Variants in TEAD1 observed in about 807,000 individuals in gnomAD.
The protein encoded by TEAD1 is transcriptional enhancer factor TEF-1.
TEAD1 carries 9 observed loss-of-function variants against 54.9 expected under a neutral mutation model. That is an observed-to-expected ratio of 0.16 (90% confidence interval 0.10 to 0.29). TEAD1 has a LOEUF of 0.29. Among genes scored for constraint, TEAD1 ranks in the 10% least tolerant of loss-of-function variants. The probability of loss-of-function intolerance (pLI) is 1.00; values close to 1 mark genes in which losing one functional copy is unlikely to be tolerated. For missense variants in TEAD1, 387 were observed against 535.9 expected, an observed-to-expected ratio of 0.72 and a Z score of 2.74; for synonymous variants, 200 against 187.8, an observed-to-expected ratio of 1.07 and a Z score of -0.53.
At chr11:12,720,527 G>A (rs1349023447) in intron 2 of TEAD1, among the ~76,000 whole-genome samples, 1 of 152,144 alleles carries the variant, frequency 6.6e-6, no homozygotes, top group Non-Finnish European at 1.5e-5. Context: ...AACTCTATGA[G>A]GTGAGCATTA....
chr11:12,785,478 C>A (rs7934409), intron 3 of TEAD1, among the ~76,000 whole-genome samples: 146,049 of 152,266 alleles, frequency 0.96, 70,353 homozygotes, highest in East Asian at 1. Context: ...GTTCAGACTA[C>A]GACACTTCAG....
intron 3 of TEAD1, among the ~76,000 whole-genome samples, chr11:12,861,186 A>G (rs778948313): frequency 3.3e-5 from 5 of 152,218 alleles, no homozygotes; most frequent in African/African-American, 1.2e-4. Flanking sequence ...CATGTCTTGT[A>G]TGAGTGGTTT....
At chr11:12,749,103 C>T (rs765170067) in intron 2 of TEAD1, among the ~76,000 whole-genome samples, 3 of 152,114 alleles carry the variant, frequency 2.0e-5, no homozygotes, top group Non-Finnish European at 4.4e-5. Flanking sequence ...GGTGTCAGGG[C>T]CCACTGTGCC....
chr11:12,907,946 T>C (rs1948548717), intron 10 of TEAD1, among the ~76,000 whole-genome samples: 1 of 152,228 alleles, frequency 6.6e-6, no homozygotes, highest in Non-Finnish European at 1.5e-5. Context: ...TGCTGAAGGA[T>C]AGCAGCCTTG....
intron 3 of TEAD1, among the ~76,000 whole-genome samples, chr11:12,834,825 C>T (rs1393888166): frequency 6.6e-6 from 1 of 151,586 alleles, no homozygotes; most frequent in African/African-American, 2.4e-5. Context: ...CTGTGTTGCC[C>T]AGGCTGGTCT....
At chr11:12,814,486 G>A (rs980079832) in intron 3 of TEAD1, among the ~76,000 whole-genome samples, 46 of 152,266 alleles carry the variant, frequency 3.0e-4, no homozygotes, top group Non-Finnish European at 5.9e-5. Flanking sequence ...TCTGTTGCTG[G>A]GCAAGGGAAG....
intron 3 of TEAD1, among the ~76,000 whole-genome samples, chr11:12,836,972 C>T (rs1017995797): frequency 6.6e-6 from 1 of 152,082 alleles, no homozygotes; most frequent in East Asian, 1.9e-4. Flanking sequence ...CCTTTGTTAA[C>T]GTTCAGCCTC....
chr11:12,733,971 G>GTGTGATCA (rs1307215089), intron 2 of TEAD1, among the ~76,000 whole-genome samples: 1 of 152,230 alleles, frequency 6.6e-6, no homozygotes, highest in Non-Finnish European at 1.5e-5. Context: ...CCAGGATGGA[G>GTGTGATCA]TGTGATCATG....
intron 2 of TEAD1, among the ~76,000 whole-genome samples, chr11:12,688,789 C>G (rs963828145): frequency 4.6e-5 from 7 of 152,262 alleles, no homozygotes; most frequent in African/African-American, 1.7e-4. Flanking sequence ...AGCGAATGAC[C>G]CACTGTCAGC....
At chr11:12,881,452 G>T (rs529159941) in intron 7 of TEAD1, among the ~76,000 whole-genome samples, 5 of 152,230 alleles carry the variant, frequency 3.3e-5, no homozygotes, top group African/African-American at 1.2e-4. Context: ...GATGCCTTGG[G>T]GGCAAGAGAA....
At chr11:12,767,414 C>T (rs747597970) in intron 3 of TEAD1, among the ~76,000 whole-genome samples, 2 of 152,030 alleles carry the variant, frequency 1.3e-5, no homozygotes, top group African/African-American at 2.4e-5. Flanking sequence ...AGTGAAATAC[C>T]GAGTGTTTTT....
intron 5 of TEAD1, among the ~76,000 whole-genome samples, chr11:12,874,627 A>G (rs1022024677): frequency 1.3e-5 from 2 of 152,168 alleles, no homozygotes; most frequent in South Asian, 4.1e-4. Flanking sequence ...CAGCGAGACC[A>G]TTGAGTGTGG....
intron 3 of TEAD1, among the ~76,000 whole-genome samples, chr11:12,792,619 C>T (rs992838789): frequency 8.5e-5 from 13 of 152,166 alleles, no homozygotes; most frequent in Admixed American, 1.3e-4. Context: ...TTTGGATGAG[C>T]AACTCTGTGC....
chr11:12,747,525 G>A (rs962140879), intron 2 of TEAD1, among the ~76,000 whole-genome samples: 28 of 152,054 alleles, frequency 1.8e-4, no homozygotes, highest in Non-Finnish European at 3.8e-4. Flanking sequence ...TAGTAGAGAT[G>A]TGGTTTCACT....
At chr11:12,837,098 A>G (rs1264684802) in intron 3 of TEAD1, among the ~76,000 whole-genome samples, 2 of 152,218 alleles carry the variant, frequency 1.3e-5, no homozygotes, top group African/African-American at 2.4e-5. Flanking sequence ...CTCTTCATCC[A>G]TAATTATCTT....
At chr11:12,882,402 GCCTA>G (rs1460164864) in intron 8 of TEAD1, among the ~76,000 whole-genome samples, 1 of 152,070 alleles carries the variant, frequency 6.6e-6, no homozygotes, top group Non-Finnish European at 1.5e-5. Context: ...AATCTGTCTA[GCCTA>G]CCTGTCTCCT....
chr11:12,846,415 CACAAGG>C (rs910240495), intron 3 of TEAD1, among the ~76,000 whole-genome samples: 2 of 152,124 alleles, frequency 1.3e-5, no homozygotes. Context: ...CTTCTATCCA[CACAAGG>C]GTTTGCTGGA....
chr11:12,905,731 G>C (rs1019316270), intron 10 of TEAD1, among the ~76,000 whole-genome samples: 4 of 152,190 alleles, frequency 2.6e-5, no homozygotes, highest in Non-Finnish European at 5.9e-5. Flanking sequence ...TCTATACCCA[G>C]TCCTTTTCTT....
chr11:12,888,865 G>A (rs746546844), intron 9 of TEAD1, among the ~76,000 whole-genome samples: 1 of 152,192 alleles, frequency 6.6e-6, no homozygotes, highest in Non-Finnish European at 1.5e-5. Flanking sequence ...AAGGCTATAC[G>A]GTCCATTTGT....
Sources: allele counts gnomAD v4.1 joint callset (sites outside exome capture counted in the v4.1 genomes callset), GRCh38; gene constraint gnomAD v4.1.1; transcripts MANE v1.5; gene names NCBI Gene and HGNC (gene_info 2026-07-23, HGNC 2026-07-21).